The following FRMD5 variants were observed in gnomAD, a reference collection of about 807,000 sequenced individuals.
The protein encoded by FRMD5 is FERM domain-containing protein 5.
FRMD5 carries 20 observed loss-of-function variants against 69.0 expected under a neutral mutation model. The ratio of observed to expected loss-of-function variants is 0.29; its 90% CI spans 0.20 to 0.42. FRMD5 has a LOEUF of 0.42. FRMD5 is among the 10% of genes least tolerant of loss of function. The pLI is 1.00. For synonymous variants in FRMD5, 271 were observed against 260.1 expected (o/e 1.04, Z -0.40); for missense variants, 595 against 708.6 (o/e 0.84, Z 1.82).
At chr15:44,168,077 T>C (rs2077739696) in intron 1 of FRMD5, among the ~76,000 whole-genome samples, 1 of 152,236 alleles carries the variant, frequency 6.6e-6, no homozygotes, top group Non-Finnish European at 1.5e-5. Flanking sequence ...AATAAATGGA[T>C]AACCAATCCT....
chr15:44,112,560 G>A (rs946337610), intron 1 of FRMD5, among the ~76,000 whole-genome samples: 2 of 151,366 alleles, frequency 1.3e-5, no homozygotes, highest in African/African-American at 2.4e-5. Context: ...TCCACCTCCC[G>A]GGTTCATGCC....
At chr15:44,073,558 G>A (rs1399109844) in intron 1 of FRMD5, among the ~76,000 whole-genome samples, 1 of 152,138 alleles carries the variant, frequency 6.6e-6, no homozygotes, top group Non-Finnish European at 1.5e-5. Flanking sequence ...ATGGACATAG[G>A]AATCTTGATC....
At chr15:44,139,355 A>T (rs992596366) in intron 1 of FRMD5, among the ~76,000 whole-genome samples, 10 of 151,674 alleles carry the variant, frequency 6.6e-5, no homozygotes, top group Non-Finnish European at 1.5e-4. Context: ...TAAAAGACAG[A>T]GTCTATGAGA....
chr15:44,085,786 C>T (rs574875864), intron 1 of FRMD5, among the ~76,000 whole-genome samples: 16 of 152,204 alleles, frequency 1.1e-4, no homozygotes, highest in Non-Finnish European at 1.5e-4. Flanking sequence ...TAATCACAAA[C>T]ATTTATTGAG....
chr15:44,019,642 C>G (rs1280317015), intron 1 of FRMD5, among the ~76,000 whole-genome samples: 1 of 145,538 alleles, frequency 6.9e-6, no homozygotes, highest in Admixed American at 7.2e-5. Flanking sequence ...GAGGCTGAGG[C>G]AGGACAATCG....
chr15:44,101,496 G>A (rs2076639541), intron 1 of FRMD5: 1 of 152,614 alleles, frequency 6.6e-6, no homozygotes, highest in South Asian at 2.1e-4. Flanking sequence ...GGGTGCCTCT[G>A]GATTCCAGGC....
intron 1 of FRMD5, among the ~76,000 whole-genome samples, chr15:44,070,566 T>C (rs567409769): frequency 6.6e-6 from 1 of 152,354 alleles, no homozygotes; most frequent in South Asian, 2.1e-4. Flanking sequence ...ATAAGTAATC[T>C]GTGGAGCCTC....
intron 1 of FRMD5, among the ~76,000 whole-genome samples, chr15:44,098,115 CAA>C (rs749591300): frequency 6.4e-5 from 1 of 15,730 alleles, no homozygotes. Flanking sequence ...AGTGACAAAA[CAA>C]AAAAAAAAAA....
intron 1 of FRMD5, among the ~76,000 whole-genome samples, chr15:44,014,359 A>C (rs1039098024): frequency 1.3e-5 from 2 of 152,196 alleles, no homozygotes; most frequent in African/African-American, 4.8e-5. Flanking sequence ...TCTGGGTTCA[A>C]GTCTCAGCCC....
chr15:44,150,595 C>G (rs536318486), intron 1 of FRMD5, among the ~76,000 whole-genome samples: 91 of 150,506 alleles, frequency 6.0e-4, no homozygotes, highest in Middle Eastern at 6.8e-3. Context: ...CACTGGGCAA[C>G]ACAGTGAGAG....
intron 1 of FRMD5, among the ~76,000 whole-genome samples, chr15:44,079,659 C>A (rs1002814818): frequency 1.3e-5 from 2 of 152,090 alleles, no homozygotes; most frequent in African/African-American, 2.4e-5. Context: ...TATTTGTACA[C>A]CCATGTTCAT....
chr15:44,170,612 T>G (rs1331417203), intron 1 of FRMD5, among the ~76,000 whole-genome samples: 3 of 152,134 alleles, frequency 2.0e-5, no homozygotes, highest in Non-Finnish European at 4.4e-5. Flanking sequence ...TCCCATTCTG[T>G]AGTTATGATC....
intron 1 of FRMD5, among the ~76,000 whole-genome samples, chr15:44,144,053 T>C (rs966757649): frequency 2.0e-5 from 3 of 151,994 alleles, no homozygotes; most frequent in Non-Finnish European, 2.9e-5. Flanking sequence ...TCTGTATAAC[T>C]ATGAAGTCCC....
At chr15:44,138,064 C>T (rs1412846810) in intron 1 of FRMD5, among the ~76,000 whole-genome samples, 3 of 152,048 alleles carry the variant, frequency 2.0e-5, no homozygotes, top group Non-Finnish European at 4.4e-5. Context: ...TGGAGGCAAC[C>T]ACAAAACTGA....
chr15:43,897,270 C>A (rs1595493697), intron 7 of FRMD5, among the ~76,000 whole-genome samples: 1 of 151,808 alleles, frequency 6.6e-6, no homozygotes, highest in Admixed American at 6.6e-5. Context: ...GGCAGATCAC[C>A]TGAGGTCAGG....
intron 1 of FRMD5, among the ~76,000 whole-genome samples, chr15:44,055,069 CAA>C (rs1024472194): frequency 3.0e-4 from 17 of 56,224 alleles, no homozygotes; most frequent in Admixed American, 7.9e-4. Context: ...GACTCTGTCT[CAA>C]AAAAAAAAAA....
intron 1 of FRMD5, among the ~76,000 whole-genome samples, chr15:44,003,698 G>A (rs755237966): frequency 2.0e-5 from 3 of 152,066 alleles, no homozygotes; most frequent in East Asian, 1.9e-4. Flanking sequence ...ACTGACTACC[G>A]TATTTGATAC....
intron 1 of FRMD5, among the ~76,000 whole-genome samples, chr15:44,054,823 G>T (rs1892805552): frequency 6.6e-6 from 1 of 151,964 alleles, no homozygotes; most frequent in Non-Finnish European, 1.5e-5. Context: ...TGTAATCCCA[G>T]CACTTTGGGA....
At chr15:44,194,643 G>C (rs1161545908) in intron 1 of FRMD5, 4 of 428,560 alleles carry the variant, frequency 9.3e-6, no homozygotes, top group Non-Finnish European at 1.7e-5. Flanking sequence ...GCCCCGGAAA[G>C]GTGCACCTTA....
Sources: allele counts gnomAD v4.1 joint callset (sites outside exome capture counted in the v4.1 genomes callset), GRCh38; gene constraint gnomAD v4.1.1; transcripts MANE v1.5; gene names NCBI Gene and HGNC (gene_info 2026-07-23, HGNC 2026-07-21).